Variants in PIK3C2A observed in about 807,000 individuals in gnomAD.
The protein encoded by PIK3C2A is phosphatidylinositol-4-phosphate 3-kinase catalytic subunit type 2 alpha.
Under a neutral mutation model 204.5 loss-of-function variants are expected in PIK3C2A, and 97 were observed. The ratio of observed to expected loss-of-function variants is 0.47; its 90% confidence interval spans 0.40 to 0.56. The LOEUF (loss-of-function observed/expected upper bound fraction) is 0.56. Ranked by LOEUF, PIK3C2A falls within the 20% of genes least tolerant of loss-of-function variation. The pLI, the probability that PIK3C2A is intolerant of heterozygous loss-of-function variation, is 0.00. For synonymous variants in PIK3C2A, 653 were observed against 664.4 expected (o/e 0.98, Z 0.26); for missense variants, 1,735 against 1,969.2 (o/e 0.88, Z 2.25).
chr11:17,097,240 G>C lies in PIK3C2A; in HGVS notation c.4143C>G (p.Ser1381Arg), dbSNP rs1848482038. 1.2e-6 allele frequency: 2 copies of C among 1,612,736 alleles called. No individual in the cohort carries two copies. Among genetic ancestry groups the C allele is most frequent in the Non-Finnish European group, 1.7e-6 (2 of 1,178,904 alleles). ...TGAAGAAGTTAAACTTTGTGGCAAT[G>C]CTTCCCAAACTTGATTCAATAAGCC... ...FTRLIESSLG[S>R]IATKFNFFIH... Residue 1381 changes from serine (S) to arginine (R), a missense_variant, in exon 27 of 33, where the codon AGC becomes AGG. Physicochemically the swap from Ser to Arg is moderately radical, Grantham distance 110 (BLOSUM62 -1). Coordinates refer to ENST00000691414, the MANE Select transcript of PIK3C2A (RefSeq NM_002645.4).
Position 17,092,064 on chromosome 11 carries a change from T to G in PIK3C2A, c.4574A>C (p.Asp1525Ala). 6.2e-7 allele frequency: 1 copy of G among 1,605,308 alleles called. No homozygotes were observed. Among genetic ancestry groups the G allele is most frequent in the Non-Finnish European group, 8.5e-7 (1 of 1,172,074 alleles). ...AGGGTGGAAGAAAGTACAAACAAGATCACACTAAGAATAAAGAGAAAGCAA... is the reference window on the plus strand; with the variant it reads ...AGGGTGGAAGAAAGTACAAACAAGAGCACACTAAGAATAAAGAGAAAGCAA... ...MNASTDVAECDLVCTFFHPLL... is the reference protein window; with the variant it reads ...MNASTDVAECALVCTFFHPLL... The change falls in exon 30 of 33, where the codon GAT becomes GCT. Residue 1525 changes from aspartate (D) to alanine (A), a missense_variant. Coordinates refer to ENST00000691414, the MANE Select transcript of PIK3C2A (RefSeq NM_002645.4).
chr11:17,178,711 G>T (rs1851423319), intron 1 of PIK3C2A, among the ~76,000 whole-genome samples: 27 of 89,210 alleles, frequency 3.0e-4, no homozygotes, highest in Middle Eastern at 7.8e-3. Flanking sequence ...GTTGATTTTT[G>T]AATTTTTTTT....
chr11:17,202,313 G>C lies in PIK3C2A; in HGVS notation c.-66+5535C>G, dbSNP rs12286496. On this transcript the variant is annotated intron_variant, in intron 1 of 32. Coordinates refer to ENST00000691414, the MANE Select transcript of PIK3C2A (RefSeq NM_002645.4). ...AAAAGAAAAGAATACTGGGGTGGAC[G>C]TGGTGGCTTATGCCTGTAATCTCAG... Among the ~76,000 whole-genome samples, 897 of 150,752 alleles carry C rather than the reference G, an allele frequency of 6.0e-3. 18 individuals are homozygous for C. Among genetic ancestry groups the C allele is most frequent in the African/African-American group, 0.021 (853 of 41,138 alleles).
At chr11:17,149,891 A>G (rs1328384949) in intron 4 of PIK3C2A, among the ~76,000 whole-genome samples, 8 of 152,240 alleles carry the variant, frequency 5.3e-5, no homozygotes, top group African/African-American at 1.7e-4. Context: ...CATAACCATT[A>G]AAGAATAAAA....
chr11:17,143,950 C>A (rs1197545142), intron 8 of PIK3C2A, among the ~76,000 whole-genome samples: 1 of 151,608 alleles, frequency 6.6e-6, no homozygotes, highest in Non-Finnish European at 1.5e-5. Context: ...AAACAAAAAA[C>A]AACAACAACA....
At chr11:17,188,940 AG>A (rs1279566588) in intron 1 of PIK3C2A, among the ~76,000 whole-genome samples, 1 of 146,948 alleles carries the variant, frequency 6.8e-6, no homozygotes, top group Non-Finnish European at 1.5e-5. Context: ...TCCTGAGGCA[AG>A]GGTAAGAGCA....
At chr11:17,154,939 A>G (rs897870413) in intron 3 of PIK3C2A, among the ~76,000 whole-genome samples, 1 of 152,154 alleles carries the variant, frequency 6.6e-6, no homozygotes. Flanking sequence ...ATATAATGGG[A>G]AGAAAACATG....
At chr11:17,123,244 C>G (rs544994347) in intron 13 of PIK3C2A, among the ~76,000 whole-genome samples, 1 of 151,966 alleles carries the variant, frequency 6.6e-6, no homozygotes, top group Non-Finnish European at 1.5e-5. Flanking sequence ...AAACAAAACA[C>G]GTTTTTTTGT....
intron 8 of PIK3C2A, among the ~76,000 whole-genome samples, chr11:17,137,430 T>TTTTTTTTTTC (rs1261297379): frequency 6.7e-6 from 1 of 150,238 alleles, no homozygotes; most frequent in Non-Finnish European, 1.5e-5. Context: ...TGCCTTTTTT[T>TTTTTTTTTTC]TTGAGACGGA....
chr11:17,189,993 G>C (rs1851887213), intron 1 of PIK3C2A, among the ~76,000 whole-genome samples: 1 of 152,090 alleles, frequency 6.6e-6, no homozygotes, highest in Non-Finnish European at 1.5e-5. Context: ...GGCTGGGCGT[G>C]GTGGCTCAGG....
chr11:17,178,413 T>C (rs1314726011), intron 1 of PIK3C2A, among the ~76,000 whole-genome samples: 3 of 152,166 alleles, frequency 2.0e-5, no homozygotes, highest in Non-Finnish European at 4.4e-5. Context: ...ACAAGTATCA[T>C]TGCTTTCTGG....
chr11:17,168,780 C>T lies in PIK3C2A; in HGVS notation c.962G>A (p.Arg321Lys), dbSNP rs779900437. Residue 321 changes from arginine to lysine, a missense_variant, in exon 2 of 33, where the codon AGA becomes AAA. Arg to Lys is a conservative substitution (Grantham distance 26). This residue lies in a region of PIK3C2A where 536 missense variants were observed against 546.7 expected (regional missense o/e 0.98). Transcript: ENST00000691414. ...ERSTANCHLERKVNGKSLSVA... is the reference protein window; with the variant it reads ...ERSTANCHLEKKVNGKSLSVA... ...AGAAAGGGATTTTCCATTCACCTTTCTTTCAAGATGACAATTTGCTGTCGA... is the reference window on the plus strand; with the variant it reads ...AGAAAGGGATTTTCCATTCACCTTTTTTTCAAGATGACAATTTGCTGTCGA... 1.3e-5 allele frequency: 21 copies of T among 1,613,872 alleles called. No homozygotes were observed. In the Admixed American group the frequency reaches 3.5e-4, roughly 27 times the overall value.
chr11:17,122,625 A>G (rs1849400456), intron 14 of PIK3C2A, 77 bp downstream of exon 14: 1 of 730,092 alleles, frequency 1.4e-6, no homozygotes, highest in East Asian at 2.6e-5. Context: ...TTAACAACCC[A>G]AATCATGGTA....
At chr11:17,194,598 T>C (rs950178851) in intron 1 of PIK3C2A, among the ~76,000 whole-genome samples, 4 of 152,194 alleles carry the variant, frequency 2.6e-5, no homozygotes, top group African/African-American at 9.7e-5. Context: ...TACATAAAGT[T>C]GTTAGACATT....
chr11:17,104,950 G>A (rs1848759582), intron 23 of PIK3C2A, among the ~76,000 whole-genome samples: 1 of 151,970 alleles, frequency 6.6e-6, no homozygotes, highest in South Asian at 2.1e-4. Context: ...GTATGTGTTT[G>A]GAAATTTTTG....
chr11:17,135,459 G>C (rs1337969204), intron 9 of PIK3C2A, among the ~76,000 whole-genome samples: 1 of 152,016 alleles, frequency 6.6e-6, no homozygotes, highest in Admixed American at 6.6e-5. Flanking sequence ...TTTTCCATTA[G>C]TTGCTCTAAA....
intron 1 of PIK3C2A, among the ~76,000 whole-genome samples, chr11:17,190,104 A>C (rs1400305532): frequency 1.3e-5 from 2 of 151,934 alleles, no homozygotes; most frequent in Non-Finnish European, 2.9e-5. Flanking sequence ...CTCTACTAAA[A>C]ATACAAAAAT....
At chr11:17,147,776 G>A (rs1055067199) in intron 5 of PIK3C2A, 148 bp from the exon 6 acceptor site, 8 of 572,394 alleles carry the variant, frequency 1.4e-5, no homozygotes, top group Non-Finnish European at 2.2e-5. Context: ...TTTAAACAGA[G>A]AAATTATTCT....
At chr11:17,141,254 CTTTCTGCTCTTCTTT>C (rs1565269611) in intron 8 of PIK3C2A, 1 of 149,682 alleles carries the variant, frequency 6.7e-6, no homozygotes, top group African/African-American at 2.5e-5. Context: ...TCTTATTTTG[CTTTCTGCTCTTCTTT>C]TCTTTTCCTT....
Sources: allele counts gnomAD v4.1 joint callset (sites outside exome capture counted in the v4.1 genomes callset), GRCh38; gene constraint gnomAD v4.1.1; regional missense constraint gnomAD v4.1.1; transcripts MANE v1.5; gene names NCBI Gene and HGNC (gene_info 2026-07-23, HGNC 2026-07-21).